APBB2: variants seen among roughly 807,000 people sequenced by gnomAD.
The protein encoded by APBB2 is Fe65-like 1.
Under a neutral mutation model 82.5 loss-of-function variants are expected in APBB2, and 38 were observed. The ratio of observed to expected loss-of-function variants is 0.46; its 90% confidence interval spans 0.36 to 0.60. APBB2 has a LOEUF of 0.60. Ranked by LOEUF, APBB2 falls within the 20% of genes least tolerant of loss-of-function variation. The pLI is 0.00. For synonymous variants in APBB2, 341 were observed against 368.2 expected (o/e 0.93, Z 0.85); for missense variants, 772 against 972.3 (o/e 0.79, Z 2.74).
At chr4:41,055,018 C>T (rs1474892296) in intron 4 of APBB2, among the ~76,000 whole-genome samples, 1 of 152,200 alleles carries the variant, frequency 6.6e-6, no homozygotes, top group Non-Finnish European at 1.5e-5. Flanking sequence ...GCCCTCCACT[C>T]TGATTTGACC....
rs376163636 is a variant in APBB2 at position 40,857,172 on chromosome 4, G to A, written c.1530-26595C>T. ...GCTCAAGTTGAAGAGAGCGGCGCCC[G>A]CGCCTCCCTGCGCCCTCCCTGCCCC... On this transcript the variant is annotated intron_variant, in intron 12 of 17. Transcript: ENST00000508593. 223 of 985,294 alleles carry A rather than the reference G, an allele frequency of 2.3e-4. 1 individual carries two copies. The East Asian group carries it at 0.02, about 89-fold the overall frequency. 61.0% of individuals were successfully genotyped at this position (985,294 alleles called of 1,614,324 possible). A position where few individuals can be genotyped will look rare whatever the true frequency, so the allele number is the denominator to read the frequency against.
chr4:41,114,370 G>C (rs1430619894), intron 2 of APBB2, among the ~76,000 whole-genome samples: 2 of 152,174 alleles, frequency 1.3e-5, no homozygotes. Flanking sequence ...ATATCATACT[G>C]AATGGGTAAA....
intron 6 of APBB2, among the ~76,000 whole-genome samples, chr4:40,970,838 A>T (rs1795768909): frequency 6.6e-6 from 1 of 152,152 alleles, no homozygotes; most frequent in African/African-American, 2.4e-5. Context: ...CCTCAGTCCC[A>T]GGCAAACCAT....
At chr4:40,856,364 T>C (rs1761182972) in intron 12 of APBB2, among the ~76,000 whole-genome samples, 1 of 152,228 alleles carries the variant, frequency 6.6e-6, no homozygotes, top group Non-Finnish European at 1.5e-5. Context: ...TTGTAAGCAA[T>C]ATTTAAATCT....
intron 12 of APBB2, among the ~76,000 whole-genome samples, chr4:40,847,595 G>C (rs2437348): frequency 0.67 from 102,032 of 152,102 alleles, 35,168 homozygotes; most frequent in East Asian, 0.9. Context: ...AGAATGCCAT[G>C]AGGGTACAAA....
intron 6 of APBB2, among the ~76,000 whole-genome samples, chr4:40,964,164 A>G (rs534077314): frequency 2.0e-5 from 3 of 152,300 alleles, no homozygotes; most frequent in South Asian, 2.1e-4. Context: ...TGCTGATAGA[A>G]CAAGAACTGA....
At chr4:41,187,565 C>A (rs1366255960) in intron 1 of APBB2, among the ~76,000 whole-genome samples, 1 of 152,200 alleles carries the variant, frequency 6.6e-6, no homozygotes, top group Non-Finnish European at 1.5e-5. Context: ...GACGACTGTT[C>A]AGCTCATCAG....
intron 2 of APBB2, among the ~76,000 whole-genome samples, chr4:41,112,252 G>A (rs1749440133): frequency 6.6e-6 from 1 of 152,220 alleles, no homozygotes; most frequent in Non-Finnish European, 1.5e-5. Flanking sequence ...CCTCTCTTCA[G>A]TGGAGTTCCA....
intron 11 of APBB2, 111 bp from the exon 12 acceptor site, chr4:40,890,602 G>A: frequency 1.4e-6 from 2 of 1,425,824 alleles, no homozygotes; most frequent in Admixed American, 2.3e-5. Flanking sequence ...GCCACCCTGG[G>A]GTCTGTAATT....
At chr4:40,825,699 C>T (rs1460785926) in intron 15 of APBB2, 188 bp downstream of exon 15, 7 of 571,374 alleles carry the variant, frequency 1.2e-5, no homozygotes, top group East Asian at 9.1e-5. Context: ...GTCAAAGCAG[C>T]GGGGCCTGTC....
chr4:40,844,893 A>C (rs1163169239), intron 12 of APBB2, among the ~76,000 whole-genome samples: 1 of 152,254 alleles, frequency 6.6e-6, no homozygotes, highest in Non-Finnish European at 1.5e-5. Context: ...ATTTTTAATA[A>C]AAAGCCTATC....
chr4:40,963,047 A>G (rs1162120857), intron 6 of APBB2, among the ~76,000 whole-genome samples: 1 of 151,992 alleles, frequency 6.6e-6, no homozygotes, highest in Admixed American at 6.6e-5. Flanking sequence ...CCCCTTCCTC[A>G]TTGCAAAATC....
At chr4:41,125,407 C>T (rs1420813625) in intron 2 of APBB2, among the ~76,000 whole-genome samples, 2 of 152,172 alleles carry the variant, frequency 1.3e-5, no homozygotes, top group African/African-American at 2.4e-5. Flanking sequence ...GAGTACTTCA[C>T]TTTAGGTCTC....
intron 1 of APBB2, among the ~76,000 whole-genome samples, chr4:41,203,770 C>CT (rs1303962544): frequency 1.3e-5 from 2 of 152,146 alleles, no homozygotes; most frequent in African/African-American, 4.8e-5. Flanking sequence ...GGCCGTCTCC[C>CT]TTTATGTCTC....
intron 13 of APBB2, among the ~76,000 whole-genome samples, chr4:40,828,435 T>G (rs1439590124): frequency 6.6e-6 from 1 of 152,318 alleles, no homozygotes; most frequent in East Asian, 1.9e-4. Flanking sequence ...AGACCTCTAC[T>G]CTGCCTATCT....
rs1172218485 is a variant in APBB2 at position 40,900,457 on chromosome 4, T to TG, written c.1255-7047_1255-7046insC. ...GGTTGGGAGCTCACGGAAGGAGGTT[T>TG]TTTTTTTTTTTTTTTTAAGATGGAG... On this transcript the variant is annotated intron_variant, in intron 10 of 17. Coordinates refer to ENST00000508593, the MANE Select transcript of APBB2 (RefSeq NM_004307.2). 5.8e-5 allele frequency among the ~76,000 whole-genome samples: 8 copies of TG among 138,868 alleles called. No homozygotes were observed. The East Asian group carries it at 1.6e-3, about 27-fold the overall frequency. 91.1% of individuals were successfully genotyped at this position (138,868 alleles called of 152,430 possible).
At chr4:41,011,799 A>G (rs977786519) in intron 6 of APBB2, among the ~76,000 whole-genome samples, 29 of 152,266 alleles carry the variant, frequency 1.9e-4, no homozygotes, top group African/African-American at 6.5e-4. Flanking sequence ...AACATAAGGT[A>G]ATGGTCATCA....
intron 12 of APBB2, among the ~76,000 whole-genome samples, chr4:40,843,518 CTTGGAATATAATACCCG>C (rs1250256702): frequency 6.6e-6 from 1 of 152,166 alleles, no homozygotes; most frequent in Non-Finnish European, 1.5e-5. Context: ...CAGTAAAAAA[CTTGGAATATAATACCCG>C]AACTGTCAAC....
intron 1 of APBB2, among the ~76,000 whole-genome samples, chr4:41,195,192 G>T: frequency 6.6e-6 from 1 of 151,814 alleles, no homozygotes; most frequent in African/African-American, 2.4e-5. Context: ...CTCTAAACTC[G>T]TAAGTCCAAC....
Sources: allele counts gnomAD v4.1 joint callset (sites outside exome capture counted in the v4.1 genomes callset), GRCh38; gene constraint gnomAD v4.1.1; transcripts MANE v1.5; gene names NCBI Gene and HGNC (gene_info 2026-07-23, HGNC 2026-07-21).